The following MTHFD2L variants were observed in gnomAD, a reference collection of about 807,000 sequenced individuals.
MTHFD2L encodes methylenetetrahydrofolate dehydrogenase (NADP+ dependent) 2 like.
A neutral mutation model predicts 34.9 loss-of-function variants in MTHFD2L; 29 were observed. That is an observed-to-expected ratio of 0.83 (90% confidence interval 0.62 to 1.13). MTHFD2L has a LOEUF of 1.13. Ranked by LOEUF, MTHFD2L falls within the 50% of genes most tolerant of loss-of-function variation. The pLI is 0.00. For missense variants in MTHFD2L, 481 were observed against 446.5 expected, an observed-to-expected ratio of 1.08 and a Z score of -0.70; for synonymous variants, 167 against 155.7, an observed-to-expected ratio of 1.07 and a Z score of -0.54.
chr4:74,139,410 C>T (rs1723147636), intron 1 of MTHFD2L, among the ~76,000 whole-genome samples: 1 of 152,176 alleles, frequency 6.6e-6, no homozygotes, highest in African/African-American at 2.4e-5. Context: ...GGTAGTGCTG[C>T]CTTCTCCGTT....
At chr4:74,186,154 A>G (rs1001971677) in intron 3 of MTHFD2L, among the ~76,000 whole-genome samples, 2 of 152,092 alleles carry the variant, frequency 1.3e-5, no homozygotes, top group Non-Finnish European at 2.9e-5. Context: ...AGATACAGAT[A>G]AAGTATTGGA....
In MTHFD2L at chr4:74,197,669, G is replaced by A. The variant is rs544315710; in HGVS notation, c.452-2125G>A. Among the ~76,000 whole-genome samples, 7 of 152,228 alleles carry A rather than the reference G, an allele frequency of 4.6e-5. No individual in the cohort carries two copies. In the East Asian group the frequency reaches 1.3e-3, roughly 29 times the overall value. ...TATGGATTTAAATTCTGGATTCTTAGTAGTGATTTGAGATTGACTCTAACT... is the reference window on the plus strand; with the variant it reads ...TATGGATTTAAATTCTGGATTCTTAATAGTGATTTGAGATTGACTCTAACT... On this transcript the variant is annotated intron_variant, in intron 3 of 7. Transcript: ENST00000325278.
At chr4:74,159,006 T>G (rs1422876991) in intron 1 of MTHFD2L, among the ~76,000 whole-genome samples, 2 of 152,228 alleles carry the variant, frequency 1.3e-5, no homozygotes, top group East Asian at 3.8e-4. Context: ...TTTCAGACTT[T>G]CAGGGCTTCC....
chr4:74,171,960 A>G (rs1728101198), intron 1 of MTHFD2L, among the ~76,000 whole-genome samples: 1 of 152,180 alleles, frequency 6.6e-6, no homozygotes, highest in Non-Finnish European at 1.5e-5. Flanking sequence ...GTATATCCAT[A>G]CAATGTAATA....
upstream of MTHFD2L, among the ~76,000 whole-genome samples, chr4:74,155,920 AAAAAC>A (rs1044181583): frequency 1.4e-4 from 22 of 152,128 alleles, no homozygotes; most frequent in African/African-American, 1.9e-4. Flanking sequence ...AAAAAAAAAA[AAAAAC>A]ACTTTTACAC....
chr4:74,271,811 G>A (rs948402881), intron 6 of MTHFD2L, among the ~76,000 whole-genome samples: 2 of 152,164 alleles, frequency 1.3e-5, no homozygotes, highest in Non-Finnish European at 2.9e-5. Context: ...AGCATGGAAT[G>A]TTCTTTCATT....
chr4:74,128,664 G>A (rs555927482), intron 1 of MTHFD2L, among the ~76,000 whole-genome samples: 1 of 152,158 alleles, frequency 6.6e-6, no homozygotes, highest in Non-Finnish European at 1.5e-5. Context: ...TTCCAGCTTT[G>A]TGTTTTTTAC....
chr4:74,199,937 A>G lies in MTHFD2L; in HGVS notation c.595A>G (p.Lys199Glu). ...TGCCAGTGCTGTTTGGGAAATAATA[A>G]AAAGAACAGGTTGGTAATTTGTGGT... ...ATASAVWEIIKRTGIQTFGKN... is the reference protein window; with the variant it reads ...ATASAVWEIIERTGIQTFGKN... The change falls in exon 4 of 8, where the codon AAA (lysine) becomes GAA (glutamate). Residue 199 changes from lysine to glutamate, a missense_variant. Coordinates refer to ENST00000325278, the MANE Select transcript of MTHFD2L (RefSeq NM_001144978.3). 6.2e-7 allele frequency: 1 copy of G among 1,613,996 alleles called. No individual in the cohort carries two copies. Among genetic ancestry groups the G allele is most frequent in the South Asian group, 1.1e-5 (1 of 91,070 alleles).
chr4:74,284,450 ATG>A (rs1402358735), intron 7 of MTHFD2L, among the ~76,000 whole-genome samples: 1 of 151,518 alleles, frequency 6.6e-6, no homozygotes, highest in Non-Finnish European at 1.5e-5. Context: ...GCATTTATTC[ATG>A]TGTCTTTTGG....
At chr4:74,155,288 C>A (rs908437711), upstream of MTHFD2L, among the ~76,000 whole-genome samples, 1 of 152,102 alleles carries the variant, frequency 6.6e-6, no homozygotes, top group African/African-American at 2.4e-5. Context: ...AACCACCAAC[C>A]TGCTAAATAA....
In MTHFD2L at chr4:74,235,294, T is replaced by G. The variant is rs6843812; in HGVS notation, c.805+9900T>G. Reference sequence around the variant, plus strand: ...AGTTCTACACTAATACAGGAGTAGATGAAAGTGAGAAGGAAAAACAGGAAG... The same window carrying G: ...AGTTCTACACTAATACAGGAGTAGAGGAAAGTGAGAAGGAAAAACAGGAAG... On this transcript the variant is annotated intron_variant, in intron 6 of 7. Coordinates refer to ENST00000325278, the MANE Select transcript of MTHFD2L (RefSeq NM_001144978.3). Among the ~76,000 whole-genome samples, 771 of 152,150 alleles carry G rather than the reference T, an allele frequency of 5.1e-3. 8 individuals are homozygous for G. The highest frequency in any genetic ancestry group is 0.018 in the African/African-American group (732 of 41,502).
At chr4:74,178,263 A>G (rs1185484968) in intron 3 of MTHFD2L, among the ~76,000 whole-genome samples, 1 of 152,094 alleles carries the variant, frequency 6.6e-6, no homozygotes, top group African/African-American at 2.4e-5. Flanking sequence ...AAAAATACAT[A>G]TCTTGACTTA....
intron 6 of MTHFD2L, among the ~76,000 whole-genome samples, chr4:74,236,104 G>A (rs906412742): frequency 5.9e-5 from 9 of 152,006 alleles, no homozygotes; most frequent in Admixed American, 3.3e-4. Flanking sequence ...TTGCATACTG[G>A]ATTTATTGTG....
rs1185191228 is a variant in MTHFD2L at position 74,302,573 on chromosome 4, A to G, written c.*764A>G. On this transcript the variant is annotated 3_prime_UTR_variant, in exon 8 of 8. Transcript: ENST00000325278. ...AAACGTCGTTTCTTTCTTCTAAAAA[A>G]TATTTGGTTAGTACCTTCACTGAGC... 6.6e-6 allele frequency: 1 copy of G among 152,168 alleles called. No homozygotes were observed. Among genetic ancestry groups the G allele is most frequent in the Non-Finnish European group, 1.5e-5 (1 of 68,006 alleles). The allele number at this position is 152,168 out of a possible 1,614,324, so 9.4% of individuals were successfully genotyped here. A position where few individuals can be genotyped will look rare whatever the true frequency, so the allele number is the denominator to read the frequency against.
chr4:74,153,126 T>C (rs1724046344), upstream of MTHFD2L, among the ~76,000 whole-genome samples: 1 of 152,210 alleles, frequency 6.6e-6, no homozygotes. Flanking sequence ...TTCTTTGCTA[T>C]TCTCTGGAGT....
At chr4:74,149,874 C>T (rs904061551) in intron 1 of MTHFD2L, among the ~76,000 whole-genome samples, 5 of 152,124 alleles carry the variant, frequency 3.3e-5, no homozygotes, top group Non-Finnish European at 7.3e-5. Context: ...GCAAATGGTA[C>T]TATTACAGAT....
chr4:74,155,048 TGTTTAATTCTGGTATACATGTATA>T (rs1283050465), upstream of MTHFD2L, among the ~76,000 whole-genome samples: 4 of 152,064 alleles, frequency 2.6e-5, no homozygotes, highest in African/African-American at 9.7e-5. Flanking sequence ...TTTAAATAAC[TGTTTAATTCTGGTATACATGTATA>T]GTCATATCAG....
intron 1 of MTHFD2L, among the ~76,000 whole-genome samples, chr4:74,149,641 C>T (rs1267376807): frequency 6.6e-6 from 1 of 151,970 alleles, no homozygotes; most frequent in East Asian, 1.9e-4. Context: ...CAATGATTAC[C>T]TCTGATAAAA....
intron 6 of MTHFD2L, among the ~76,000 whole-genome samples, chr4:74,250,509 A>G (rs1314046292): frequency 6.6e-6 from 1 of 152,144 alleles, no homozygotes; most frequent in African/African-American, 2.4e-5. Flanking sequence ...TATCCCTCAC[A>G]CCTACTATAC....
Sources: gnomAD v4.1 joint callset for allele counts (sites outside exome capture counted in the v4.1 genomes callset) on GRCh38, gnomAD v4.1.1 for gene constraint, MANE v1.5 for transcripts, NCBI Gene and HGNC (gene_info 2026-07-23, HGNC 2026-07-21) for gene names.